The following UBE2U variants were observed in gnomAD, a reference collection of about 807,000 sequenced individuals.
UBE2U encodes ubiquitin-conjugating enzyme E2 U.
A neutral mutation model predicts 41.2 loss-of-function variants in UBE2U; 39 were observed. The observed-to-expected ratio is 0.95, with a 90% confidence interval of 0.73 to 1.24. The LOEUF (loss-of-function observed/expected upper bound fraction) is 1.24, where lower values mean the gene tolerates loss of function less well. UBE2U is among the 50% of genes most tolerant of loss of function. The pLI is 0.00. For missense variants in UBE2U, 336 were observed against 363.1 expected (o/e 0.93, Z 0.61); for synonymous variants, 107 against 117.8 (o/e 0.91, Z 0.60).
At position 64,203,626 on chromosome 1, in the gene UBE2U, C is replaced by G. The variant is rs574135862; in HGVS notation, c.-425C>G. 6.4e-6 allele frequency: 1 copy of G among 155,446 alleles called. No homozygotes were observed. Among genetic ancestry groups the G allele is most frequent in the Non-Finnish European group, 1.4e-5 (1 of 70,366 alleles). The allele number at this position is 155,446 out of a possible 1,614,324, so 9.6% of individuals were successfully genotyped here. On this transcript the variant is annotated 5_prime_UTR_variant, in exon 1 of 10. Coordinates refer to ENST00000371077, the MANE Select transcript of UBE2U (RefSeq NM_001366232.2). The stretch of plus-strand genomic sequence containing the variant: ...CCACGGGGGCCTGTTGGTTGGCAAC[C>G]GATTTGCTTCCTCCGGTGCGTGGCT...
intron 7 of UBE2U, among the ~76,000 whole-genome samples, chr1:64,234,421 C>T (rs1362997662): frequency 6.6e-6 from 1 of 152,116 alleles, no homozygotes; most frequent in East Asian, 1.9e-4. Context: ...ACCCCCATGA[C>T]CATTGCCTTA....
rs1452397967 is a variant in UBE2U, at chr1:64,246,514, CTT to C, written c.677+4782_677+4783del. Among the ~76,000 whole-genome samples, 7 of 152,162 alleles carry C rather than the reference CTT, an allele frequency of 4.6e-5. 1 individual carries two copies. In the South Asian group the frequency reaches 1.5e-3, roughly 32 times the overall value. ...CTAGCTTTATTCCCTAAAATTAAACCTTGACTGCCATCTTGTGGTTAACAAGT... is the reference window on the plus strand; with the variant it reads ...CTAGCTTTATTCCCTAAAATTAAACCGACTGCCATCTTGTGGTTAACAAGT... On this transcript the variant is annotated intron_variant, in intron 8 of 9. Transcript: ENST00000371077.
intron 6 of UBE2U, among the ~76,000 whole-genome samples, chr1:64,226,839 G>A (rs1449847050): frequency 6.6e-6 from 1 of 151,436 alleles, no homozygotes; most frequent in Admixed American, 6.6e-5. Context: ...ATTACTACAC[G>A]AAAGGAAATT....
At chr1:64,248,654 T>C (rs1204786597) in intron 8 of UBE2U, among the ~76,000 whole-genome samples, 1 of 152,120 alleles carries the variant, frequency 6.6e-6, no homozygotes, top group East Asian at 1.9e-4. Context: ...ATTTTTGTTT[T>C]TATAGTTTGT....
At chr1:64,248,172 A>T (rs747745951) in intron 8 of UBE2U, among the ~76,000 whole-genome samples, 16 of 151,992 alleles carry the variant, frequency 1.1e-4, no homozygotes, top group Non-Finnish European at 1.2e-4. Context: ...CCCACATTTT[A>T]ATGGGTTCGC....
chr1:64,264,884 A>C (rs917875771), intron 9 of UBE2U, among the ~76,000 whole-genome samples: 1 of 152,168 alleles, frequency 6.6e-6, no homozygotes, highest in Non-Finnish European at 1.5e-5. Context: ...CAGGAGGCAG[A>C]GGTTGCAGTG....
At chr1:64,239,160 G>GA (rs1644772982) in intron 7 of UBE2U, among the ~76,000 whole-genome samples, 2 of 70,934 alleles carry the variant, frequency 2.8e-5, no homozygotes, top group Non-Finnish European at 5.7e-5. Context: ...GAAGAAGAAA[G>GA]AAGAAGAAGA....
At position 64,228,466 on chromosome 1, in the gene UBE2U, G is replaced by A. The variant is rs139692350; in HGVS notation, c.507-4095G>A. Among the ~76,000 whole-genome samples, 455 of 152,236 alleles carry A rather than the reference G, an allele frequency of 3.0e-3. 2 individuals carry two copies. The highest frequency in any genetic ancestry group is 5.2e-3 in the Non-Finnish European group (357 of 68,024). On this transcript the variant is annotated intron_variant, in intron 6 of 9. Transcript: ENST00000371077. ...AGAGGAGACAGGAGTCTCTAGAACA[G>A]CTTTCACAGAAGGAGGAGTGTAATA...
chr1:64,247,016 T>C (rs1452508101), intron 8 of UBE2U, among the ~76,000 whole-genome samples: 1 of 151,078 alleles, frequency 6.6e-6, no homozygotes, highest in Non-Finnish European at 1.5e-5. Flanking sequence ...AAAGAAACTA[T>C]TGCCACTTGT....
At chr1:64,245,714 A>C (rs950610660) in intron 8 of UBE2U, among the ~76,000 whole-genome samples, 1 of 152,092 alleles carries the variant, frequency 6.6e-6, no homozygotes, top group Admixed American at 6.6e-5. Context: ...AAGCCACAAC[A>C]AATCAACCTG....
intron 8 of UBE2U, among the ~76,000 whole-genome samples, chr1:64,258,480 C>A (rs368022653): frequency 6.6e-6 from 1 of 151,114 alleles, no homozygotes; most frequent in Non-Finnish European, 1.5e-5. Context: ...CATCCCCCCA[C>A]CCCAAGACAG....
chr1:64,216,953 C>T (rs1490467390), intron 5 of UBE2U, among the ~76,000 whole-genome samples: 1 of 152,152 alleles, frequency 6.6e-6, no homozygotes, highest in African/African-American at 2.4e-5. Flanking sequence ...TAATTATTCC[C>T]AGTACCTCCT....
At chr1:64,227,551 C>T (rs1288004682) in intron 6 of UBE2U, among the ~76,000 whole-genome samples, 1 of 152,166 alleles carries the variant, frequency 6.6e-6, no homozygotes, top group Non-Finnish European at 1.5e-5. Flanking sequence ...CCTGTAATCC[C>T]ACCACTTTGG....
In UBE2U at chr1:64,220,241, GGAGA is replaced by G. The variant is rs3074174; in HGVS notation, c.458-598_458-595del. ...CCTGAGAGGAATCTGCCAGGCTTGT[GGAGA>G]GAGAGAGAGAGAGAGAGAGCAAGTG... On this transcript the variant is annotated intron_variant, in intron 5 of 9. Transcript: ENST00000371077. Among the ~76,000 whole-genome samples, 921 of 149,170 alleles carry G rather than the reference GGAGA, an allele frequency of 6.2e-3. 12 individuals carry two copies. The highest frequency in any genetic ancestry group is 0.021 in the African/African-American group (872 of 40,702).
intron 7 of UBE2U, among the ~76,000 whole-genome samples, chr1:64,239,104 A>G (rs59298796): frequency 0.18 from 2,594 of 14,342 alleles, 36 homozygotes; most frequent in African/African-American, 0.26. Context: ...AAGAAGAAGA[A>G]GAAGAAGAAG....
chr1:64,204,372 A>G (rs1188609567), intron 1 of UBE2U, among the ~76,000 whole-genome samples: 7 of 152,146 alleles, frequency 4.6e-5, no homozygotes, highest in Non-Finnish European at 1.0e-4. Context: ...ACTGAATATC[A>G]GGGTCTGTCA....
intron 6 of UBE2U, among the ~76,000 whole-genome samples, chr1:64,226,539 T>C (rs1652878553): frequency 6.6e-6 from 1 of 152,198 alleles, no homozygotes; most frequent in African/African-American, 2.4e-5. Context: ...AAAATTTATT[T>C]TAAAAAGCTA....
chr1:64,243,537 G>T (rs1487589345), intron 8 of UBE2U, among the ~76,000 whole-genome samples: 2 of 152,086 alleles, frequency 1.3e-5, no homozygotes, highest in African/African-American at 4.8e-5. Flanking sequence ...GCATCTCTCA[G>T]TTTTTAATAT....
intron 7 of UBE2U, among the ~76,000 whole-genome samples, chr1:64,237,390 G>A (rs1192835707): frequency 6.6e-6 from 1 of 151,670 alleles, no homozygotes; most frequent in Non-Finnish European, 1.5e-5. Context: ...ACTATACTGT[G>A]GATGCAATAG....
Sources: gnomAD v4.1 joint callset for allele counts (sites outside exome capture counted in the v4.1 genomes callset) on GRCh38, gnomAD v4.1.1 for gene constraint, MANE v1.5 for transcripts, NCBI Gene and HGNC (gene_info 2026-07-23, HGNC 2026-07-21) for gene names.